The following MCCC1 variants were observed in gnomAD, a reference collection of about 807,000 sequenced individuals.
MCCC1 encodes methylcrotonoyl-CoA carboxylase subunit alpha, mitochondrial.
A neutral mutation model predicts 83.8 loss-of-function variants in MCCC1; 64 were observed. The observed-to-expected ratio is 0.76, with a 90% CI of 0.62 to 0.94. The LOEUF is 0.94. Among genes scored for constraint, MCCC1 ranks in the 40% least tolerant of loss-of-function variants. MCCC1 has a pLI of 0.00. For missense variants in MCCC1, 807 were observed against 904.7 expected, an observed-to-expected ratio of 0.89 and a Z score of 1.39; for synonymous variants, 322 against 315.4, an observed-to-expected ratio of 1.02 and a Z score of -0.22.
intron 7 of MCCC1, among the ~76,000 whole-genome samples, chr3:183,063,322 T>C (rs1046500439): frequency 7.7e-6 from 1 of 129,722 alleles, no homozygotes. Flanking sequence ...GTATTATATA[T>C]GAACTGAGGA....
intron 7 of MCCC1, among the ~76,000 whole-genome samples, chr3:183,067,023 A>G (rs1394033134): frequency 1.3e-5 from 2 of 152,262 alleles, no homozygotes; most frequent in Admixed American, 6.5e-5. Flanking sequence ...CATAAATGCA[A>G]TAAGAATCTG....
At chr3:183,022,920 T>C (rs1036597595) in intron 15 of MCCC1, among the ~76,000 whole-genome samples, 4 of 152,212 alleles carry the variant, frequency 2.6e-5, no homozygotes, top group Non-Finnish European at 4.4e-5. Flanking sequence ...ATGTTTGTAA[T>C]ATAAACTTAT....
chr3:183,092,347 C>G (rs948068571), intron 3 of MCCC1, 62 bp downstream of exon 3: 2 of 1,608,296 alleles, frequency 1.2e-6, no homozygotes, highest in African/African-American at 2.7e-5. Flanking sequence ...TCATAAAGAA[C>G]GAAAATACTG....
At chr3:183,062,235 T>C (rs1347804859) in intron 7 of MCCC1, among the ~76,000 whole-genome samples, 2 of 152,192 alleles carry the variant, frequency 1.3e-5, no homozygotes, top group Non-Finnish European at 2.9e-5. Flanking sequence ...TCCCTCATCT[T>C]TTAGGTGCTC....
chr3:183,112,044 T>C (rs1719503689), intron 1 of MCCC1, among the ~76,000 whole-genome samples: 1 of 152,170 alleles, frequency 6.6e-6, no homozygotes, highest in South Asian at 2.1e-4. Context: ...TCTGGTCTTC[T>C]GAAAATCCAT....
At chr3:183,026,178 G>T (rs1305479991) in intron 14 of MCCC1, among the ~76,000 whole-genome samples, 2 of 152,078 alleles carry the variant, frequency 1.3e-5, no homozygotes, top group African/African-American at 4.8e-5. Context: ...AAGTAGCTGG[G>T]ACTACAGGCG....
intron 1 of MCCC1, among the ~76,000 whole-genome samples, chr3:183,107,305 G>A (rs1290799945): frequency 6.6e-6 from 1 of 151,830 alleles, no homozygotes; most frequent in Non-Finnish European, 1.5e-5. Flanking sequence ...CTACTGGGGA[G>A]GCTGGGGCAG....
chr3:183,035,856 T>C (rs1713537913), intron 13 of MCCC1, among the ~76,000 whole-genome samples: 3 of 152,144 alleles, frequency 2.0e-5, no homozygotes, highest in South Asian at 4.2e-4. Flanking sequence ...CTTTAAGTTC[T>C]AGGGTACATG....
chr3:183,025,788 T>C lies in MCCC1; in HGVS notation c.1698A>G (p.Val566=), dbSNP rs1394197821. The C allele has an allele frequency of 1.2e-6, 2 of 1,613,798 alleles. No homozygotes were observed. Among genetic ancestry groups the C allele is most frequent in the Non-Finnish European group, 1.7e-6 (2 of 1,179,752 alleles). The change falls in exon 15 of 19, where the codon GTA becomes GTG. Residue 566 remains valine (V), a synonymous_variant. Transcript: ENST00000265594. ...TATAAGACCCATCATGGTTATACGT[T>C]ACAGCTATGGCTACATCTTTATGGA... ...KDGKNNVAIA[V]TYNHDGSYSM... is the part of the protein sequence containing the mutation.
chr3:183,024,418 A>G (rs1185900576), intron 15 of MCCC1, among the ~76,000 whole-genome samples: 1 of 152,120 alleles, frequency 6.6e-6, no homozygotes, highest in African/African-American at 2.4e-5. Flanking sequence ...AATTTTTTCA[A>G]TTTATCCTAT....
chr3:183,113,309 A>ATC (rs1430957854), intron 1 of MCCC1, among the ~76,000 whole-genome samples: 1 of 150,874 alleles, frequency 6.6e-6, no homozygotes, highest in African/African-American at 2.4e-5. Flanking sequence ...ACAGCAAACT[A>ATC]TCGCAAGGAC....
At chr3:183,057,480 T>G (rs938928029) in intron 7 of MCCC1, 58 bp from the exon 8 acceptor site, 1 of 1,306,822 alleles carries the variant, frequency 7.7e-7, no homozygotes, top group African/African-American at 1.5e-5. Flanking sequence ...AATATCACAT[T>G]CGTTAAGCTA....
chr3:183,104,410 G>A (rs1180581216), upstream of MCCC1, among the ~76,000 whole-genome samples: 11 of 152,268 alleles, frequency 7.2e-5, no homozygotes, highest in South Asian at 2.1e-3. Flanking sequence ...GAGCCACTGT[G>A]CCCAGCCAGA....
intron 1 of MCCC1, among the ~76,000 whole-genome samples, chr3:183,097,153 A>G (rs1238545490): frequency 5.9e-5 from 9 of 152,154 alleles, no homozygotes; most frequent in African/African-American, 2.2e-4. Flanking sequence ...CTTAAACAAG[A>G]TTAAGAAGCT....
chr3:183,068,763 A>G lies in MCCC1; in HGVS notation c.761+2236T>C, dbSNP rs796672376. On this transcript the variant is annotated intron_variant, in intron 7 of 18. Transcript: ENST00000265594. The stretch of plus-strand genomic sequence containing the variant: ...TAGTGACATAATAGCACAATACATT[A>G]CCTTTCCTATGTTTTGAGATGTTTA... 4.6e-4 allele frequency among the ~76,000 whole-genome samples: 70 copies of G among 152,314 alleles called. 1 individual carries two copies. The highest frequency in any genetic ancestry group is 1.7e-3 in the African/African-American group (70 of 41,570).
At chr3:183,092,191 G>A (rs1718408206) in intron 3 of MCCC1, among the ~76,000 whole-genome samples, 1 of 152,198 alleles carries the variant, frequency 6.6e-6, no homozygotes, top group South Asian at 2.1e-4. Flanking sequence ...AGGAGATAAA[G>A]ACCTTGCCTG....
intron 4 of MCCC1, among the ~76,000 whole-genome samples, chr3:183,084,660 A>C (rs1340033784): frequency 6.6e-6 from 1 of 152,192 alleles, no homozygotes; most frequent in African/African-American, 2.4e-5. Context: ...AGTGGATTAC[A>C]CTTTTAATCC....
At position 183,052,184 on chromosome 3, in the gene MCCC1, A is replaced by G. The variant is rs1560235559; in HGVS notation, c.930T>C (p.Ala310=). 1 of 1,614,160 alleles carries G rather than the reference A, an allele frequency of 6.2e-7. No individual in the cohort carries two copies. Among genetic ancestry groups the G allele is most frequent in the Non-Finnish European group, 8.5e-7 (1 of 1,180,020 alleles). The stretch of plus-strand genomic sequence containing the variant: ...CTGCTCCAACATAATTTACAGCTTT[A>G]GCAGCTCTGACTGCAGCTTCTCCCA... The part of the protein sequence containing the change: ...KKLGEAAVRA[A]KAVNYVGAGT... Residue 310 remains alanine (A), a synonymous_variant, in exon 9 of 19, where the codon GCT becomes GCC. Coordinates refer to ENST00000265594, the MANE Select transcript of MCCC1 (RefSeq NM_020166.5).
At chr3:183,037,776 T>C (rs1188870543) in intron 12 of MCCC1, among the ~76,000 whole-genome samples, 1 of 152,216 alleles carries the variant, frequency 6.6e-6, no homozygotes, top group East Asian at 1.9e-4. Context: ...GAAATTCATT[T>C]GCAAGGTATC....
Sources: gnomAD v4.1 joint callset for allele counts (sites outside exome capture counted in the v4.1 genomes callset) on GRCh38, gnomAD v4.1.1 for gene constraint, MANE v1.5 for transcripts, NCBI Gene and HGNC (gene_info 2026-07-23, HGNC 2026-07-21) for gene names.